Variants in NAV3 observed in about 807,000 individuals in gnomAD.
NAV3 encodes the protein neuron navigator 3, also known as pore membrane and/or filament interacting like protein 1.
A neutral mutation model predicts 244.7 loss-of-function variants in NAV3; 87 were observed. The ratio of observed to expected loss-of-function variants is 0.36; its 90% CI spans 0.30 to 0.42. The LOEUF (loss-of-function observed/expected upper bound fraction) is 0.42. Among genes scored for constraint, NAV3 ranks in the 20% least tolerant of loss-of-function variants. NAV3 has a pLI of 1.00. For synonymous variants in NAV3, 1,126 were observed against 1,042.2 expected (o/e 1.08, Z -1.55); for missense variants, 2,663 against 2,893.3 (o/e 0.92, Z 1.83).
At chr12:78,013,138 C>T (rs1320604926) in intron 8 of NAV3, among the ~76,000 whole-genome samples, 1 of 152,128 alleles carries the variant, frequency 6.6e-6, no homozygotes, top group African/African-American at 2.4e-5. Flanking sequence ...CTCTTCAGCA[C>T]ATTCATTCAC....
chr12:78,051,535 T>C (rs1298277005), intron 11 of NAV3, among the ~76,000 whole-genome samples: 11 of 152,174 alleles, frequency 7.2e-5, no homozygotes, highest in Admixed American at 6.5e-4. Context: ...CTGTAACTGC[T>C]TTGAGAAACA....
chr12:77,684,189 G>T (rs1401812239), intron 2 of NAV3, among the ~76,000 whole-genome samples: 1 of 152,102 alleles, frequency 6.6e-6, no homozygotes, highest in Non-Finnish European at 1.5e-5. Flanking sequence ...TGATGACTAT[G>T]TTAAGCATGT....
At chr12:78,076,208 C>G (rs189283493) in intron 12 of NAV3, among the ~76,000 whole-genome samples, 3 of 152,284 alleles carry the variant, frequency 2.0e-5, no homozygotes, top group African/African-American at 4.8e-5. Flanking sequence ...CTAAAACCAG[C>G]TATTCTGTGG....
chr12:77,920,056 T>C (rs1169293344), intron 1 of NAV3, among the ~76,000 whole-genome samples: 1 of 152,040 alleles, frequency 6.6e-6, no homozygotes, highest in African/African-American at 2.4e-5. Context: ...TATAGCATGG[T>C]GTTAAGAACT....
At chr12:77,952,559 G>A (rs1375212476) in intron 3 of NAV3, among the ~76,000 whole-genome samples, 1 of 151,892 alleles carries the variant, frequency 6.6e-6, no homozygotes. Flanking sequence ...CTCCAATTTT[G>A]TACTTCTTCA....
chr12:77,830,271 T>C (rs944282156), upstream of NAV3, among the ~76,000 whole-genome samples: 2 of 152,206 alleles, frequency 1.3e-5, no homozygotes, highest in Admixed American at 1.3e-4. Flanking sequence ...AACAGTGTTA[T>C]TTTCAACCAT....
intron 2 of NAV3, among the ~76,000 whole-genome samples, chr12:77,657,822 T>G (rs1375241581): frequency 3.9e-5 from 6 of 152,106 alleles, no homozygotes; most frequent in Non-Finnish European, 8.8e-5. Flanking sequence ...TCAATAAATG[T>G]AATCCAGCAT....
chr12:77,960,448 T>TACACACACACACAC (rs745583068), intron 3 of NAV3, among the ~76,000 whole-genome samples: 1 of 86,758 alleles, frequency 1.2e-5, no homozygotes, highest in Non-Finnish European at 2.2e-5. Flanking sequence ...TATATATATA[T>TACACACACACACAC]ATACACACAC....
At chr12:77,991,261 T>C (rs1156931169) in intron 5 of NAV3, among the ~76,000 whole-genome samples, 1 of 152,008 alleles carries the variant, frequency 6.6e-6, no homozygotes, top group East Asian at 1.9e-4. Context: ...CCTGACCACG[T>C]GATCTACCTG....
At chr12:77,780,468 A>G (rs1870608314) in intron 2 of NAV3, among the ~76,000 whole-genome samples, 1 of 152,212 alleles carries the variant, frequency 6.6e-6, no homozygotes, top group South Asian at 2.1e-4. Context: ...ACTTATTGCA[A>G]TAAAGGTCAA....
At chr12:78,151,348 A>G (rs1322942962) in intron 22 of NAV3, among the ~76,000 whole-genome samples, 7 of 152,170 alleles carry the variant, frequency 4.6e-5, no homozygotes, top group Admixed American at 3.9e-4. Flanking sequence ...TAGCAGCTTT[A>G]TTTTTTAATA....
chr12:77,946,327 A>G (rs1890350957), intron 3 of NAV3, among the ~76,000 whole-genome samples: 1 of 151,662 alleles, frequency 6.6e-6, no homozygotes, highest in Admixed American at 6.6e-5. Flanking sequence ...TATATATAAT[A>G]CATGTATATA....
intron 11 of NAV3, among the ~76,000 whole-genome samples, chr12:78,053,074 A>G (rs1423918473): frequency 1.3e-5 from 2 of 151,882 alleles, no homozygotes; most frequent in Admixed American, 6.6e-5. Context: ...TTAGCCAGGC[A>G]TGGTGGCTTG....
intron 2 of NAV3, among the ~76,000 whole-genome samples, chr12:77,788,126 A>G (rs1870991472): frequency 6.6e-6 from 1 of 152,186 alleles, no homozygotes; most frequent in Non-Finnish European, 1.5e-5. Context: ...GTCTTCATGT[A>G]TAAAATATAA....
intron 1 of NAV3, among the ~76,000 whole-genome samples, chr12:77,933,233 A>G (rs1888990740): frequency 6.6e-6 from 1 of 152,152 alleles, no homozygotes; most frequent in Admixed American, 6.5e-5. Flanking sequence ...GAATAGTATA[A>G]TGCTTAGCCT....
intron 22 of NAV3, among the ~76,000 whole-genome samples, chr12:78,153,714 TC>T (rs1957164683): frequency 6.6e-6 from 1 of 152,058 alleles, no homozygotes; most frequent in African/African-American, 2.4e-5. Context: ...AAACAAAAGG[TC>T]CTTTTTGCCT....
At chr12:78,136,624 A>AC (rs1956384046) in intron 18 of NAV3, among the ~76,000 whole-genome samples, 1 of 152,148 alleles carries the variant, frequency 6.6e-6, no homozygotes, top group Non-Finnish European at 1.5e-5. Flanking sequence ...GTGTTTAGTT[A>AC]TAAAAATGTT....
intron 2 of NAV3, among the ~76,000 whole-genome samples, chr12:77,824,241 A>ATTTTTTTTTTTTTTTTTT (rs61710960): frequency 2.9e-5 from 3 of 104,904 alleles, no homozygotes; most frequent in Non-Finnish European, 5.4e-5. Context: ...GCCCAACTAA[A>ATTTTTTTTTTTTTTTTTT]TTTTTTTTTT....
At chr12:77,867,524 AT>A (rs949129631) in intron 1 of NAV3, among the ~76,000 whole-genome samples, 1 of 152,010 alleles carries the variant, frequency 6.6e-6, no homozygotes, top group African/African-American at 2.4e-5. Flanking sequence ...GGTTCATGCC[AT>A]TCTCCTGCCT....
Sources: gnomAD v4.1 joint callset for allele counts (sites outside exome capture counted in the v4.1 genomes callset) on GRCh38, gnomAD v4.1.1 for gene constraint, MANE v1.5 for transcripts, NCBI Gene and HGNC (gene_info 2026-07-23, HGNC 2026-07-21) for gene names.